Variants in CHLSN observed in about 807,000 individuals in gnomAD.
CHLSN encodes the protein protein cholesin.
the CHLSN span, among the ~76,000 whole-genome samples, chr7:1,005,207 C>G: frequency 6.6e-6 from 1 of 152,200 alleles, no homozygotes; most frequent in Non-Finnish European, 1.5e-5. Context: ...AGGAGAATCG[C>G]TTGAACCTGG....
At chr7:1,023,248 G>A in the CHLSN span, among the ~76,000 whole-genome samples, 1 of 152,334 alleles carries the variant, frequency 6.6e-6, no homozygotes, top group African/African-American at 2.4e-5. The surrounding 1 kb of genome is among the most constrained non-coding windows in gnomAD (Gnocchi z 5.0). Context: ...GACACGGGCT[G>A]AGCGCAAGTG....
At chr7:1,077,404 C>T in the CHLSN span, among the ~76,000 whole-genome samples, 1 of 152,244 alleles carries the variant, frequency 6.6e-6, no homozygotes, top group Non-Finnish European at 1.5e-5. Context: ...ATCCGCCCGC[C>T]TCGGCCTCCC....
the CHLSN span, among the ~76,000 whole-genome samples, chr7:1,015,811 C>G: frequency 1.3e-5 from 2 of 152,224 alleles, 1 homozygote; most frequent in East Asian, 3.8e-4. Context: ...GTGGGCAGCT[C>G]CTCACCCACG....
the CHLSN span, among the ~76,000 whole-genome samples, chr7:1,083,695 G>T: frequency 6.6e-6 from 1 of 152,008 alleles, no homozygotes; most frequent in Non-Finnish European, 1.5e-5. Flanking sequence ...GAGCACCTGA[G>T]CTTCCGTGCT....
At chr7:1,101,807 G>T in the CHLSN span, among the ~76,000 whole-genome samples, 668 of 152,362 alleles carry the variant, frequency 4.4e-3, 4 homozygotes, top group African/African-American at 0.015. Flanking sequence ...GCTGCCCCAG[G>T]CAATCACAAG....
At chr7:1,130,724 G>A in the CHLSN span, among the ~76,000 whole-genome samples, 2 of 152,024 alleles carry the variant, frequency 1.3e-5, no homozygotes, top group South Asian at 2.1e-4. Flanking sequence ...GGGTGGGGGC[G>A]GGGGGGTGCC....
At chr7:1,067,918 T>A in the CHLSN span, among the ~76,000 whole-genome samples, 6 of 151,412 alleles carry the variant, frequency 4.0e-5, no homozygotes, top group African/African-American at 1.5e-4. Context: ...GAGGTGAGGG[T>A]TTGGGGCACA....
the CHLSN span, among the ~76,000 whole-genome samples, chr7:1,103,284 G>C: frequency 6.6e-6 from 1 of 152,184 alleles, no homozygotes; most frequent in African/African-American, 2.4e-5. Context: ...TCATCCCCTG[G>C]GCTGAGATTG....
chr7:1,133,409 A>AAAAAAAAAAAAAAAAAC, the CHLSN span, among the ~76,000 whole-genome samples: 2 of 149,432 alleles, frequency 1.3e-5, no homozygotes, highest in Non-Finnish European at 1.5e-5. Flanking sequence ...AAAAAAAAAA[A>AAAAAAAAAAAAAAAAAC]AAAACTATAA....
the CHLSN span, among the ~76,000 whole-genome samples, chr7:1,075,640 T>C: frequency 1.5e-5 from 2 of 129,896 alleles, no homozygotes; most frequent in Non-Finnish European, 3.2e-5. Flanking sequence ...AGAGTAGGAG[T>C]CTTGCTCTGT....
chr7:1,110,151 C>G, the CHLSN span, among the ~76,000 whole-genome samples: 1 of 152,194 alleles, frequency 6.6e-6, no homozygotes, highest in African/African-American at 2.4e-5. Context: ...GGGCTCAGTC[C>G]GTGGAAGAGC....
At chr7:988,725 C>T in the CHLSN span, 8 of 1,599,598 alleles carry the variant, frequency 5.0e-6, no homozygotes, top group African/African-American at 1.3e-5. Flanking sequence ...CTGCTGCCCC[C>T]GCCTGGCGTC....
the CHLSN span, among the ~76,000 whole-genome samples, chr7:1,078,835 G>A: frequency 4.6e-5 from 7 of 152,252 alleles, no homozygotes; most frequent in African/African-American, 9.6e-5. Flanking sequence ...CAGAGCCTGC[G>A]GCTCACCTGT....
At chr7:1,113,894 C>T in the CHLSN span, among the ~76,000 whole-genome samples, 22 of 152,214 alleles carry the variant, frequency 1.4e-4, no homozygotes, top group Admixed American at 9.2e-4. Context: ...CGCTCTGCTC[C>T]GGGGCTCTTC....
chr7:1,091,488 G>T, the CHLSN span: 1 of 499,752 alleles, frequency 2.0e-6, no homozygotes. Context: ...CGAGCACGCG[G>T]AGGGCCCTCG....
the CHLSN span, among the ~76,000 whole-genome samples, chr7:1,090,874 T>C: frequency 6.6e-6 from 1 of 152,252 alleles, no homozygotes; most frequent in Admixed American, 6.5e-5. Context: ...AAGTTTATTT[T>C]TGGTACCTAG....
chr7:1,091,656 A>G, the CHLSN span: 1 of 1,096,188 alleles, frequency 9.1e-7, no homozygotes, highest in Non-Finnish European at 1.3e-6. Context: ...TTCTTTCTAA[A>G]GATGGATTCA....
At chr7:1,021,281 G>A in the CHLSN span, 1 of 665,512 alleles carries the variant, frequency 1.5e-6, no homozygotes, top group South Asian at 6.7e-5. Flanking sequence ...CCTCTAGTGT[G>A]GACCTCCAGG....
chr7:1,091,911 C>A, the CHLSN span: 3 of 1,614,080 alleles, frequency 1.9e-6, no homozygotes, highest in Non-Finnish European at 2.5e-6. Flanking sequence ...GCCTGTTCCT[C>A]TCGTGCCTCT....
Sources: allele counts gnomAD v4.1 joint callset (sites outside exome capture counted in the v4.1 genomes callset), GRCh38; gene constraint gnomAD v4.1.1; non-coding constraint Gnocchi (gnomAD v3.1); transcripts MANE v1.5; gene names NCBI Gene and HGNC (gene_info 2026-07-23, HGNC 2026-07-21).